The following CNTN1 variants were observed in gnomAD, a reference collection of about 807,000 sequenced individuals.
CNTN1 encodes the protein contactin 1, also known as contactin-1.
Under a neutral mutation model 126.4 loss-of-function variants are expected in CNTN1, and 38 were observed. The ratio of observed to expected loss-of-function variants is 0.30; its 90% confidence interval spans 0.23 to 0.39. The LOEUF (loss-of-function observed/expected upper bound fraction) is 0.39, where lower values mean the gene tolerates loss of function less well. Ranked by LOEUF, CNTN1 falls within the 10% of genes least tolerant of loss-of-function variation. The pLI is 1.00. For synonymous variants in CNTN1, 413 were observed against 422.6 expected (o/e 0.98, Z 0.28); for missense variants, 1,009 against 1,248.4 (o/e 0.81, Z 2.89).
At chr12:40,914,905 T>C (rs941176786) in intron 3 of CNTN1, among the ~76,000 whole-genome samples, 1 of 152,120 alleles carries the variant, frequency 6.6e-6, no homozygotes, top group Non-Finnish European at 1.5e-5. Flanking sequence ...ATTCCTTATA[T>C]ATAGGAATAA....
chr12:40,715,032 CAT>C (rs1285065951), intron 1 of CNTN1, among the ~76,000 whole-genome samples: 1 of 152,136 alleles, frequency 6.6e-6, no homozygotes, highest in African/African-American at 2.4e-5. Flanking sequence ...TGTAGAAAGA[CAT>C]GCGATAAGAA....
chr12:40,949,563 T>G (rs1483174358), intron 14 of CNTN1, among the ~76,000 whole-genome samples: 1 of 141,620 alleles, frequency 7.1e-6, no homozygotes, highest in Non-Finnish European at 1.5e-5. Context: ...TTCTTTTCTT[T>G]TCTTTCTTTT....
chr12:40,941,319 A>G (rs1946256809), intron 12 of CNTN1, among the ~76,000 whole-genome samples: 1 of 152,178 alleles, frequency 6.6e-6, no homozygotes, highest in Admixed American at 6.6e-5. Flanking sequence ...ATTGTAAAAT[A>G]AGATGTATAA....
At chr12:40,695,523 A>G (rs1339599910) in intron 1 of CNTN1, among the ~76,000 whole-genome samples, 1 of 152,078 alleles carries the variant, frequency 6.6e-6, no homozygotes, top group Non-Finnish European at 1.5e-5. Context: ...CCTTATTTCA[A>G]AAAAAATCAA....
intron 17 of CNTN1, among the ~76,000 whole-genome samples, chr12:41,004,271 A>G (rs1412378743): frequency 6.6e-6 from 1 of 152,048 alleles, no homozygotes; most frequent in Admixed American, 6.6e-5. Flanking sequence ...TTCATTCTTG[A>G]TTTCTAATTT....
At chr12:40,878,049 G>A (rs1269075927) in intron 1 of CNTN1, among the ~76,000 whole-genome samples, 1 of 135,792 alleles carries the variant, frequency 7.4e-6, no homozygotes, top group Non-Finnish European at 1.5e-5. Flanking sequence ...CCAGGCTGGA[G>A]TGCAATGGCA....
chr12:40,744,713 A>G (rs1302039032), intron 1 of CNTN1, among the ~76,000 whole-genome samples: 1 of 152,108 alleles, frequency 6.6e-6, no homozygotes, highest in Non-Finnish European at 1.5e-5. Flanking sequence ...CGTGTGGATT[A>G]AAAGGTGGAA....
At chr12:40,711,428 TC>T (rs1941910806) in intron 1 of CNTN1, among the ~76,000 whole-genome samples, 2 of 152,260 alleles carry the variant, frequency 1.3e-5, no homozygotes, top group South Asian at 4.1e-4. Flanking sequence ...CTGGGTTATA[TC>T]CCTTCACATT....
At chr12:40,839,208 G>A (rs1942185328) in intron 1 of CNTN1, among the ~76,000 whole-genome samples, 1 of 152,048 alleles carries the variant, frequency 6.6e-6, no homozygotes, top group Non-Finnish European at 1.5e-5. Context: ...TAGGTCTTTT[G>A]AAATAATGCA....
chr12:40,717,175 C>A (rs1299259143), intron 1 of CNTN1, among the ~76,000 whole-genome samples: 2 of 152,034 alleles, frequency 1.3e-5, no homozygotes, highest in African/African-American at 4.8e-5. Context: ...AAAACCTGAA[C>A]CCAGTACAAG....
chr12:40,723,092 T>C (rs1942260339), intron 1 of CNTN1, among the ~76,000 whole-genome samples: 1 of 151,994 alleles, frequency 6.6e-6, no homozygotes, highest in African/African-American at 2.4e-5. Context: ...TAGAGAGCTG[T>C]TAGAGGATGA....
intron 1 of CNTN1, among the ~76,000 whole-genome samples, chr12:40,765,943 G>C (rs940199216): frequency 4.6e-5 from 7 of 152,188 alleles, no homozygotes; most frequent in Non-Finnish European, 8.8e-5. Context: ...CTGGGCAAAA[G>C]ATATATCCAA....
intron 1 of CNTN1, among the ~76,000 whole-genome samples, chr12:40,699,200 A>C (rs947245049): frequency 3.5e-4 from 53 of 152,334 alleles, no homozygotes; most frequent in African/African-American, 1.2e-3. Flanking sequence ...TTTGTGTCTG[A>C]TAGAGGACCT....
At position 40,944,086 on chromosome 12, in the gene CNTN1, C is replaced by T. The variant is rs778407253; in HGVS notation, c.1599C>T (p.Ala533=). 2 of 1,613,522 alleles carry T rather than the reference C, an allele frequency of 1.2e-6. No individual in the cohort carries two copies. The highest frequency in any genetic ancestry group is 1.7e-6 in the Non-Finnish European group (2 of 1,179,628). ...AGTGTGCTGCGTCCTTTGATCCTGC[C>T]TTGGATCTCACATTTGTTTGGTCCT... ...TMQCAASFDP[A]LDLTFVWSFN... is the part of the protein sequence containing the mutation. Residue 533 remains alanine, a synonymous_variant, in exon 14 of 24, where the codon GCC becomes GCT. Coordinates refer to ENST00000551295, the MANE Select transcript of CNTN1 (RefSeq NM_001843.4).
intron 23 of CNTN1, among the ~76,000 whole-genome samples, chr12:41,049,030 C>T (rs1344784628): frequency 6.6e-6 from 1 of 152,138 alleles, no homozygotes; most frequent in Non-Finnish European, 1.5e-5. Flanking sequence ...CCTCTCCTTA[C>T]TCAAGCTCTC....
intron 23 of CNTN1, among the ~76,000 whole-genome samples, chr12:41,067,791 A>G (rs1387029154): frequency 6.6e-6 from 1 of 151,632 alleles, no homozygotes; most frequent in Non-Finnish European, 1.5e-5. Flanking sequence ...TTCAGGATGG[A>G]TCATTTACAC....
chr12:40,791,340 A>G (rs1033590041), intron 1 of CNTN1, among the ~76,000 whole-genome samples: 2 of 152,276 alleles, frequency 1.3e-5, no homozygotes, highest in Middle Eastern at 6.8e-3. Context: ...GCTCACCTCA[A>G]TTACCAAAAT....
At chr12:41,050,650 A>G (rs950393491) in intron 23 of CNTN1, among the ~76,000 whole-genome samples, 1 of 152,164 alleles carries the variant, frequency 6.6e-6, no homozygotes, top group East Asian at 1.9e-4. Context: ...ATTATTTAAC[A>G]TAGGTATGTT....
chr12:41,065,950 G>T (rs1950042320), intron 23 of CNTN1, among the ~76,000 whole-genome samples: 1 of 152,228 alleles, frequency 6.6e-6, no homozygotes, highest in African/African-American at 2.4e-5. Flanking sequence ...TGCTGTCCCA[G>T]CAGGAGTTTT....
Sources: gnomAD v4.1 joint callset for allele counts (sites outside exome capture counted in the v4.1 genomes callset) on GRCh38, gnomAD v4.1.1 for gene constraint, MANE v1.5 for transcripts, NCBI Gene and HGNC (gene_info 2026-07-23, HGNC 2026-07-21) for gene names.